The following CDK5RAP2 variants were observed in gnomAD, a reference collection of about 807,000 sequenced individuals.
The protein encoded by CDK5RAP2 is CDK5 regulatory subunit-associated protein 2.
A neutral mutation model predicts 232.9 loss-of-function variants in CDK5RAP2; 147 were observed. That is an observed-to-expected ratio of 0.63 (90% CI 0.55 to 0.72). The LOEUF is 0.72. Ranked by LOEUF, CDK5RAP2 falls within the 30% of genes least tolerant of loss-of-function variation. The probability of loss-of-function intolerance (pLI) is 0.00; values close to 1 mark genes in which losing one functional copy is unlikely to be tolerated. For synonymous variants in CDK5RAP2, 833 were observed against 833.7 expected, an observed-to-expected ratio of 1.00 and a Z score of 0.01; for missense variants, 2,195 against 2,231.5, an observed-to-expected ratio of 0.98 and a Z score of 0.33.
At chr9:120,458,199 A>G (rs1333605343) in intron 20 of CDK5RAP2, among the ~76,000 whole-genome samples, 1 of 152,176 alleles carries the variant, frequency 6.6e-6, no homozygotes, top group Non-Finnish European at 1.5e-5. Flanking sequence ...GGCTCCCAGG[A>G]ATAATTCCCA....
intron 29 of CDK5RAP2, among the ~76,000 whole-genome samples, chr9:120,409,609 G>C (rs906979949): frequency 2.0e-5 from 3 of 152,270 alleles, no homozygotes; most frequent in Non-Finnish European, 2.9e-5. Context: ...GAAGTACAGA[G>C]GAAAACACAG....
intron 12 of CDK5RAP2, among the ~76,000 whole-genome samples, chr9:120,500,690 A>C (rs1226829380): frequency 6.6e-6 from 1 of 152,232 alleles, no homozygotes; most frequent in African/African-American, 2.4e-5. Flanking sequence ...GTGTACATAC[A>C]CAAACATACA....
intron 7 of CDK5RAP2, 22 bp downstream of exon 7, chr9:120,536,350 A>G (rs2041383799): frequency 1.2e-6 from 2 of 1,613,128 alleles, no homozygotes; most frequent in Non-Finnish European, 1.7e-6. Context: ...ATGTCAGGGT[A>G]TGACAGGGAC....
intron 12 of CDK5RAP2, among the ~76,000 whole-genome samples, chr9:120,493,068 T>C (rs2038985520): frequency 6.6e-6 from 1 of 152,184 alleles, no homozygotes. Context: ...GCATAATCAG[T>C]ATCACCTGCA....
chr9:120,483,026 AG>A (rs978084241), intron 14 of CDK5RAP2, among the ~76,000 whole-genome samples: 11 of 152,124 alleles, frequency 7.2e-5, no homozygotes, highest in Non-Finnish European at 1.3e-4. Context: ...GGCTGCCCAA[AG>A]GGGAGTCATG....
intron 3 of CDK5RAP2, among the ~76,000 whole-genome samples, chr9:120,566,110 G>C (rs2042637622): frequency 6.6e-6 from 1 of 152,146 alleles, no homozygotes; most frequent in South Asian, 2.1e-4. Context: ...TAAACCCAAA[G>C]TATCTCAGCC....
intron 11 of CDK5RAP2, 31 bp from the exon 12 acceptor site, chr9:120,518,676 C>G: frequency 6.4e-7 from 1 of 1,567,622 alleles, no homozygotes; most frequent in Non-Finnish European, 8.8e-7. Flanking sequence ...GCAAGATGAG[C>G]TAATTTTCAT....
At chr9:120,400,930 AT>A in intron 34 of CDK5RAP2, 45 bp from the exon 35 acceptor site, 1 of 1,611,270 alleles carries the variant, frequency 6.2e-7, no homozygotes, top group South Asian at 1.1e-5. Flanking sequence ...CTTGAAAAAG[AT>A]TTTAGACAAG....
At chr9:120,475,319 A>T (rs1171467725) in intron 15 of CDK5RAP2, among the ~76,000 whole-genome samples, 4 of 152,212 alleles carry the variant, frequency 2.6e-5, no homozygotes, top group Non-Finnish European at 4.4e-5. Context: ...AAACCTTGTT[A>T]GTCCCGGTTA....
chr9:120,472,138 A>C lies in CDK5RAP2; in HGVS notation c.1728-260T>G, dbSNP rs190905687. ...CCTATGCGTAATTTACATGGCTGAA[A>C]TAATACTAGACATACAATGCTGATA... is the stretch of plus-strand genomic sequence containing the variant. On this transcript the variant is annotated intron_variant, in intron 15 of 37. Coordinates refer to ENST00000349780, the MANE Select transcript of CDK5RAP2 (RefSeq NM_018249.6). 5.8e-4 allele frequency among the ~76,000 whole-genome samples: 88 copies of C among 152,364 alleles called. 2 individuals are homozygous for C. In the South Asian group the frequency reaches 0.013, roughly 23 times the overall value.
At chr9:120,504,872 T>C (rs1190852700) in intron 12 of CDK5RAP2, among the ~76,000 whole-genome samples, 1 of 151,916 alleles carries the variant, frequency 6.6e-6, no homozygotes, top group East Asian at 1.9e-4. Context: ...AAGCATGCTA[T>C]CCTTCAAGGC....
intron 3 of CDK5RAP2, among the ~76,000 whole-genome samples, chr9:120,568,053 C>T (rs1284592751): frequency 1.3e-5 from 2 of 152,168 alleles, no homozygotes; most frequent in Non-Finnish European, 2.9e-5. Flanking sequence ...CAGAAAGACA[C>T]CAAACCTGAA....
intron 14 of CDK5RAP2, among the ~76,000 whole-genome samples, chr9:120,480,535 A>C (rs2038245880): frequency 1.3e-5 from 2 of 152,176 alleles, no homozygotes; most frequent in South Asian, 4.1e-4. Flanking sequence ...ACCATATCTT[A>C]CTATTTAACA....
chr9:120,429,521 A>G (rs1465942689), intron 25 of CDK5RAP2, among the ~76,000 whole-genome samples: 1 of 152,238 alleles, frequency 6.6e-6, no homozygotes, highest in Non-Finnish European at 1.5e-5. Context: ...TGCTTCAAAG[A>G]GAATAAAATA....
chr9:120,546,783 A>C (rs2041858034), intron 4 of CDK5RAP2, among the ~76,000 whole-genome samples: 1 of 151,912 alleles, frequency 6.6e-6, no homozygotes, highest in Non-Finnish European at 1.5e-5. Flanking sequence ...ATAGGCGTGC[A>C]CTGCCACACC....
chr9:120,480,178 G>T (rs989191956), intron 14 of CDK5RAP2, among the ~76,000 whole-genome samples: 27 of 152,162 alleles, frequency 1.8e-4, no homozygotes, highest in African/African-American at 6.5e-4. Flanking sequence ...CAAGAAATTG[G>T]GGCTGCAAAC....
chr9:120,568,476 AC>A, intron 2 of CDK5RAP2, 88 bp from the exon 3 acceptor site: 1 of 927,328 alleles, frequency 1.1e-6, no homozygotes, highest in Admixed American at 1.7e-5. Context: ...GAGGAAAACA[AC>A]ACGAACTGCT....
chr9:120,498,973 G>C (rs1326713667), intron 12 of CDK5RAP2, among the ~76,000 whole-genome samples: 1 of 152,078 alleles, frequency 6.6e-6, no homozygotes. Context: ...TCAAATTCCT[G>C]GGCTTAAGCA....
chr9:120,542,996 A>G (rs2041701290), intron 5 of CDK5RAP2, among the ~76,000 whole-genome samples: 2 of 152,172 alleles, frequency 1.3e-5, no homozygotes, highest in South Asian at 4.1e-4. Context: ...GAGTTAGAGC[A>G]GCAAAAGCAA....
Sources: allele counts gnomAD v4.1 joint callset (sites outside exome capture counted in the v4.1 genomes callset), GRCh38; gene constraint gnomAD v4.1.1; transcripts MANE v1.5; gene names NCBI Gene and HGNC (gene_info 2026-07-23, HGNC 2026-07-21).